The following AGAP1 variants were observed in gnomAD, a reference collection of about 807,000 sequenced individuals.
The protein encoded by AGAP1 is ArfGAP with GTPase domain, ankyrin repeat and PH domain 1.
In AGAP1, 29 loss-of-function variants were observed where a neutral mutation model predicts 105.3. That is an observed-to-expected ratio of 0.28 (90% confidence interval 0.21 to 0.38). The LOEUF (loss-of-function observed/expected upper bound fraction) is 0.38, where lower values mean the gene tolerates loss of function less well. Among genes scored for constraint, AGAP1 ranks in the 10% least tolerant of loss-of-function variants. AGAP1 has a pLI of 1.00. For synonymous variants in AGAP1, 509 were observed against 485.9 expected (o/e 1.05, Z -0.63); for missense variants, 998 against 1,165.1 (o/e 0.86, Z 2.09).
chr2:235,669,955 G>GC (rs1948286649), intron 1 of AGAP1: 1 of 178,604 alleles, frequency 5.6e-6, no homozygotes, highest in Admixed American at 6.3e-5. Context: ...TGCCAGGGGC[G>GC]CCGTCCCCGC....
In AGAP1 at chr2:236,045,350, G is replaced by A. The variant is rs2057686191; in HGVS notation, c.1892-3709G>A. Among the ~76,000 whole-genome samples the A allele has an allele frequency of 1.3e-5, 2 of 152,188 alleles. No homozygotes were observed. The highest frequency in any genetic ancestry group is 2.4e-5 in the African/African-American group (1 of 41,444). On this transcript the variant is annotated intron_variant, in intron 15 of 17. Coordinates refer to ENST00000304032, the MANE Select transcript of AGAP1 (RefSeq NM_001037131.3). The surrounding 1 kb of genome is among the most constrained non-coding windows in gnomAD (Gnocchi z 6.9). ...CAGTGTGTTAATATTGGTTGAATAC[G>A]TGAAGGAACAGATGTAATTACAGCC...
chr2:235,745,648 G>T (rs961343852), intron 5 of AGAP1, among the ~76,000 whole-genome samples: 2 of 152,174 alleles, frequency 1.3e-5, no homozygotes, highest in African/African-American at 4.8e-5. Flanking sequence ...AGACTGTTTT[G>T]CGAATTCTTT....
chr2:236,089,737 G>A lies in AGAP1; in HGVS notation c.2115-30455G>A, dbSNP rs1380631522. Among the ~76,000 whole-genome samples, 2 of 152,160 alleles carry A rather than the reference G, an allele frequency of 1.3e-5. No individual in the cohort carries two copies. The highest frequency in any genetic ancestry group is 1.3e-4 in the Admixed American group (2 of 15,278). ...AAATGGGGGATTGAACTGTGAGAGT[G>A]CAGGCAATAAAGAGTGCATTTGTGG... On this transcript the variant is annotated intron_variant, in intron 16 of 17. Coordinates refer to ENST00000304032, the MANE Select transcript of AGAP1 (RefSeq NM_001037131.3). This position sits in a 1 kb window ranked among gnomAD's most constrained non-coding sequence, Gnocchi z 5.6.
intron 13 of AGAP1, among the ~76,000 whole-genome samples, chr2:236,008,428 C>A (rs984905912): frequency 6.6e-6 from 1 of 152,206 alleles, no homozygotes; most frequent in African/African-American, 2.4e-5. Flanking sequence ...GTTCATCTGA[C>A]AATGTGCAAA....
intron 1 of AGAP1, among the ~76,000 whole-genome samples, chr2:235,561,989 C>T (rs1297991648): frequency 6.6e-6 from 1 of 152,186 alleles, no homozygotes; most frequent in African/African-American, 2.4e-5. Flanking sequence ...CAAACCAGCT[C>T]ATACCTTGAC....
At chr2:235,776,859 C>A in intron 6 of AGAP1, 1 of 468,458 alleles carries the variant, frequency 2.1e-6, no homozygotes, top group South Asian at 1.6e-5. Flanking sequence ...TTTCCAAAAT[C>A]TCGAGGCTCT....
At chr2:235,573,896 ATGGCTGGGGC>A (rs1354634644) in intron 1 of AGAP1, among the ~76,000 whole-genome samples, 1 of 152,198 alleles carries the variant, frequency 6.6e-6, no homozygotes, top group East Asian at 1.9e-4. Flanking sequence ...CCGTGTATTC[ATGGCTGGGGC>A]TGGCTCCTGG....
At position 235,845,939 on chromosome 2, in the gene AGAP1, C is replaced by T. The variant is rs540848566; in HGVS notation, c.1051-37406C>T. Among the ~76,000 whole-genome samples the T allele has an allele frequency of 1.3e-5, 2 of 152,264 alleles. No individual in the cohort carries two copies. Among genetic ancestry groups the T allele is most frequent in the South Asian group, 2.1e-4 (1 of 4,812 alleles). On this transcript the variant is annotated intron_variant, in intron 9 of 17. Transcript: ENST00000304032. This position sits in a 1 kb window ranked among gnomAD's most constrained non-coding sequence, Gnocchi z 4.8. ...ACCCCCAGAGTGGCCCCTCCACTCA[C>T]CCTTCAGCTGCAGCCACAGGGTTGA...
At chr2:235,652,020 CTT>C (rs1223054342) in intron 1 of AGAP1, among the ~76,000 whole-genome samples, 1 of 152,078 alleles carries the variant, frequency 6.6e-6, no homozygotes, top group Non-Finnish European at 1.5e-5. Flanking sequence ...GAACGCTCGA[CTT>C]TTTTGATGGT....
intron 9 of AGAP1, among the ~76,000 whole-genome samples, chr2:235,828,696 A>G (rs768670834): frequency 1.3e-5 from 2 of 152,172 alleles, no homozygotes; most frequent in African/African-American, 2.4e-5. Flanking sequence ...CAAATTCCAG[A>G]AGCTTTCGCT....
chr2:235,693,255 T>C (rs1473139420), intron 1 of AGAP1, among the ~76,000 whole-genome samples: 1 of 152,186 alleles, frequency 6.6e-6, no homozygotes, highest in Non-Finnish European at 1.5e-5. Context: ...TCAAGGGTCC[T>C]GAAGGTGGTG....
At chr2:236,072,993 T>C (rs1450070973) in intron 16 of AGAP1, among the ~76,000 whole-genome samples, 1 of 151,538 alleles carries the variant, frequency 6.6e-6, no homozygotes, top group Non-Finnish European at 1.5e-5. Flanking sequence ...TCAGGAGATA[T>C]TTATATTCTT....
intron 1 of AGAP1, among the ~76,000 whole-genome samples, chr2:235,678,033 C>G (rs1439513609): frequency 2.0e-5 from 3 of 146,526 alleles, no homozygotes; most frequent in African/African-American, 7.4e-5. Flanking sequence ...ACTTGCTTTC[C>G]TGTACAGTAA....
rs1280488397 is a variant in AGAP1 at position 235,767,402 on chromosome 2, C to T, written c.673+16914C>T. 3.9e-5 allele frequency among the ~76,000 whole-genome samples: 6 copies of T among 152,316 alleles called. No homozygotes were observed. The East Asian group carries it at 5.8e-4, about 15-fold the overall frequency. On this transcript the variant is annotated intron_variant, in intron 6 of 17. Coordinates refer to ENST00000304032, the MANE Select transcript of AGAP1 (RefSeq NM_001037131.3). ...CGCACCAGCGAGCACCCGGGCCAAG[C>T]GTGGAGGCTCTGCGGGCTGGGGGTC...
intron 6 of AGAP1, among the ~76,000 whole-genome samples, chr2:235,759,382 G>A (rs917444512): frequency 3.3e-5 from 5 of 149,832 alleles, no homozygotes; most frequent in Non-Finnish European, 3.0e-5. Context: ...TGTTAGCCAG[G>A]ATGGTCTTGA....
Position 235,961,134 on chromosome 2 carries a change from G to A in AGAP1, c.1484-7328G>A, listed in dbSNP as rs1409324010. On this transcript the variant is annotated intron_variant, in intron 12 of 17. Coordinates refer to ENST00000304032, the MANE Select transcript of AGAP1 (RefSeq NM_001037131.3). This position sits in a 1 kb window ranked among gnomAD's most constrained non-coding sequence, Gnocchi z 5.9. ...CCTTCCTGAAGCTCGAGCGCTCATA[G>A]GGAAGATGTTCCGTAAACAAAGAAA... Among the ~76,000 whole-genome samples, 3 of 152,238 alleles carry A rather than the reference G, an allele frequency of 2.0e-5. No individual in the cohort carries two copies. The highest frequency in any genetic ancestry group is 2.0e-4 in the Admixed American group (3 of 15,288).
At chr2:235,892,831 C>T (rs1319572289) in intron 10 of AGAP1, among the ~76,000 whole-genome samples, 1 of 152,156 alleles carries the variant, frequency 6.6e-6, no homozygotes, top group Admixed American at 6.6e-5. Flanking sequence ...TTCCCCAGAA[C>T]ATTGAAACAG....
chr2:235,885,175 T>G (rs1286954661), intron 10 of AGAP1, among the ~76,000 whole-genome samples: 2 of 152,240 alleles, frequency 1.3e-5, no homozygotes, highest in African/African-American at 2.4e-5. Flanking sequence ...TATTTCTATG[T>G]ATATTTCTCT....
intron 1 of AGAP1, among the ~76,000 whole-genome samples, chr2:235,607,047 G>A (rs2149247256): frequency 6.6e-6 from 1 of 152,030 alleles, no homozygotes; most frequent in African/African-American, 2.4e-5. Context: ...AGACTGGCAG[G>A]TGAGAAAAAT....
Sources: allele counts gnomAD v4.1 joint callset (sites outside exome capture counted in the v4.1 genomes callset), GRCh38; gene constraint gnomAD v4.1.1; non-coding constraint Gnocchi (gnomAD v3.1); transcripts MANE v1.5; gene names NCBI Gene and HGNC (gene_info 2026-07-23, HGNC 2026-07-21).